The following HEATR6 variants were observed in gnomAD, a reference collection of about 807,000 sequenced individuals.
HEATR6 encodes HEAT repeat containing 6, also known as HEAT repeat-containing protein 6.
A neutral mutation model predicts 132.8 loss-of-function variants in HEATR6; 106 were observed. The observed-to-expected ratio is 0.80, with a 90% confidence interval of 0.68 to 0.94. The LOEUF is 0.94. Ranked by LOEUF, HEATR6 falls within the 40% of genes least tolerant of loss-of-function variation. The pLI, the probability that HEATR6 is intolerant of heterozygous loss-of-function variation, is 0.00. For synonymous variants in HEATR6, 529 were observed against 537.8 expected (o/e 0.98, Z 0.23); for missense variants, 1,339 against 1,425.1 (o/e 0.94, Z 0.97).
chr17:60,057,126 A>C lies in HEATR6; in HGVS notation c.2001T>G (p.Asp667Glu), dbSNP rs1439039524. ...CISIVVLPKE[D>E]SCSGSDAGSA... ...AGCCAGCATCGCTACCTGAACAGGAATCCTCCTTGGGCAGTACGACAATGG... is the reference window on the plus strand; with the variant it reads ...AGCCAGCATCGCTACCTGAACAGGACTCCTCCTTGGGCAGTACGACAATGG... The change falls in exon 12 of 20, where the codon GAT (aspartate) becomes GAG (glutamate). Residue 667 changes from aspartate to glutamate, a missense_variant. Physicochemically the swap from Asp to Glu is conservative, Grantham distance 45. Transcript: ENST00000184956. 6.2e-7 allele frequency: 1 copy of C among 1,614,176 alleles called. No individual in the cohort carries two copies.
chr17:60,056,332 T>A, intron 12 of HEATR6, 95 bp from the exon 13 acceptor site: 2 of 1,163,392 alleles, frequency 1.7e-6, no homozygotes, highest in Middle Eastern at 2.0e-4. Flanking sequence ...CGCTTACATT[T>A]AACAGGGGCT....
At position 60,073,848 on chromosome 17, in the gene HEATR6, T is replaced by C. The variant is rs752732654; in HGVS notation, c.366A>G (p.Ala122=). 6.2e-7 allele frequency: 1 copy of C among 1,613,914 alleles called. No individual in the cohort carries two copies. Among genetic ancestry groups the C allele is most frequent in the Non-Finnish European group, 8.5e-7 (1 of 1,179,930 alleles). The stretch of plus-strand genomic sequence containing the variant: ...ACTGATGAATAGCCGAAATAGTATA[T>C]GCCAACAGGAAATCCAAGTGCTGTT... ...VDEQHLDFLL[A]YTISAIHQCS... is the part of the protein sequence containing the mutation. Residue 122 remains alanine, a synonymous_variant, in exon 3 of 20, where the codon GCA becomes GCG. Transcript: ENST00000184956.
At chr17:60,073,633 G>T in intron 3 of HEATR6, 113 bp downstream of exon 3, 3 of 982,846 alleles carry the variant, frequency 3.1e-6, no homozygotes, top group African/African-American at 1.6e-5. Flanking sequence ...GGCCCAGAGT[G>T]GTTGAATAAG....
At chr17:60,070,885 A>G in intron 5 of HEATR6, 78 bp from the exon 6 acceptor site, 1 of 779,942 alleles carries the variant, frequency 1.3e-6, no homozygotes, top group African/African-American at 1.7e-5. Flanking sequence ...AGCACCACTT[A>G]GGATGGAAGA....
intron 14 of HEATR6, among the ~76,000 whole-genome samples, chr17:60,051,198 C>T (rs546127607): frequency 2.6e-5 from 4 of 152,326 alleles, no homozygotes; most frequent in South Asian, 2.1e-4. Flanking sequence ...GATAAAGTTA[C>T]GCAGCAACAG....
chr17:60,055,488 G>T lies in HEATR6; in HGVS notation c.2289+27C>A, dbSNP rs754325691. 3.3e-6 allele frequency: 5 copies of T among 1,515,736 alleles called. No homozygotes were observed. In the Admixed American group the frequency reaches 5.6e-5, roughly 17 times the overall value. 93.9% of individuals were successfully genotyped at this position (1,515,736 alleles called of 1,614,324 possible). ...AACTGCAACTGAAGCATTAATAAAA[G>T]AAAACTATGAATTGACATTTATTTA... On this transcript the variant is annotated intron_variant, in intron 14 of 19. Transcript: ENST00000184956.
chr17:60,051,070 T>C (rs142430998), intron 14 of HEATR6, 93 bp from the exon 15 acceptor site: 12 of 1,366,642 alleles, frequency 8.8e-6, no homozygotes, highest in East Asian at 2.4e-5. Flanking sequence ...TAGTGAAACA[T>C]TTTCCCTTAA....
intron 1 of HEATR6, chr17:60,076,584 TC>T (rs990125476): frequency 3.5e-5 from 6 of 171,150 alleles, no homozygotes; most frequent in African/African-American, 1.2e-4. Context: ...TGGTATGTAG[TC>T]CCAGCTTCTT....
At chr17:60,070,682 T>C (rs770019585) in intron 6 of HEATR6, 24 bp downstream of exon 6, 2 of 1,316,074 alleles carry the variant, frequency 1.5e-6, no homozygotes, top group Admixed American at 1.7e-5. Flanking sequence ...GGAAAGACAA[T>C]GATCATATGA....
chr17:60,071,724 G>GA (rs926281052), intron 5 of HEATR6, among the ~76,000 whole-genome samples: 9 of 151,402 alleles, frequency 5.9e-5, no homozygotes, highest in African/African-American at 1.2e-4. Flanking sequence ...TTTACATATA[G>GA]AAAAAAAAAT....
chr17:60,058,057 G>A (rs1377922744), intron 11 of HEATR6, among the ~76,000 whole-genome samples: 1 of 152,172 alleles, frequency 6.6e-6, no homozygotes, highest in Non-Finnish European at 1.5e-5. Context: ...CAGTCCTTCA[G>A]TTTTGTTCTT....
chr17:60,048,872 C>A (rs1318161569), intron 16 of HEATR6, among the ~76,000 whole-genome samples: 2 of 150,994 alleles, frequency 1.3e-5, no homozygotes, highest in Non-Finnish European at 2.9e-5. Flanking sequence ...CTGGTAATGA[C>A]CCATTTCATT....
chr17:60,048,171 C>G (rs1906437027), intron 17 of HEATR6, 93 bp downstream of exon 17: 1 of 1,339,174 alleles, frequency 7.5e-7, no homozygotes, highest in Admixed American at 2.2e-5. Flanking sequence ...TATGCGGGAA[C>G]TACTGCTGAT....
intron 19 of HEATR6, among the ~76,000 whole-genome samples, chr17:60,044,651 T>G (rs568003482): frequency 9.4e-4 from 143 of 152,330 alleles, no homozygotes; most frequent in African/African-American, 3.4e-3. Context: ...TGCCCAGATT[T>G]CTATCTTTTC....
Position 60,043,889 on chromosome 17 carries a change from G to C in HEATR6, c.3220C>G (p.Gln1074Glu). 1 of 1,614,186 alleles carries C rather than the reference G, an allele frequency of 6.2e-7. No homozygotes were observed. The highest frequency in any genetic ancestry group is 8.5e-7 in the Non-Finnish European group (1 of 1,180,028). The change falls in exon 20 of 20, where the codon CAG (glutamine) becomes GAG (glutamate). Residue 1074 changes from glutamine (Q) to glutamate (E), a missense_variant. Gln to Glu is a conservative substitution (Grantham distance 29). Transcript: ENST00000184956. ...YCVSLRTQIC[Q>E]ALIHLLSLAS... is the part of the protein sequence containing the mutation. ...AAGCTCAAGAGGTGAATCAGTGCCT[G>C]GCAGATTTGGGTCCGTAGGCTGACA...
In HEATR6 at chr17:60,043,882, A is replaced by G; in HGVS notation, c.3227T>C (p.Leu1076Pro). The stretch of plus-strand genomic sequence containing the variant: ...ACTGGCCAAGCTCAAGAGGTGAATC[A>G]GTGCCTGGCAGATTTGGGTCCGTAG... ...VSLRTQICQA[L>P]IHLLSLASAS... Residue 1076 changes from leucine to proline, a missense_variant, in exon 20 of 20, where the codon CTG (leucine) becomes CCG (proline). By Grantham distance (98) the Leu-to-Pro change is moderately conservative. Transcript: ENST00000184956. 1 of 1,614,222 alleles carries G rather than the reference A, an allele frequency of 6.2e-7. No individual in the cohort carries two copies. The highest frequency in any genetic ancestry group is 8.5e-7 in the Non-Finnish European group (1 of 1,180,028).
intron 2 of HEATR6, 134 bp downstream of exon 2, chr17:60,075,996 T>C (rs2083294122): frequency 1.8e-6 from 1 of 541,698 alleles, no homozygotes; most frequent in East Asian, 3.0e-5. Context: ...AAAAGCATTC[T>C]TATTTAGGCA....
At chr17:60,076,344 G>A (rs2083296636) in intron 1 of HEATR6, 107 bp from the exon 2 acceptor site, 5 of 616,994 alleles carry the variant, frequency 8.1e-6, no homozygotes, top group Non-Finnish European at 8.5e-6. Context: ...TTCAAAATGG[G>A]GAAAGAAAAT....
At chr17:60,065,320 AAGG>A in intron 9 of HEATR6, among the ~76,000 whole-genome samples, 1 of 152,324 alleles carries the variant, frequency 6.6e-6, no homozygotes, top group South Asian at 2.1e-4. Context: ...TAAGTTACTC[AAGG>A]AGATGACTCA....
Sources: gnomAD v4.1 joint callset for allele counts (sites outside exome capture counted in the v4.1 genomes callset) on GRCh38, gnomAD v4.1.1 for gene constraint, MANE v1.5 for transcripts, NCBI Gene and HGNC (gene_info 2026-07-23, HGNC 2026-07-21) for gene names.